Variants in ARHGEF7 observed in about 807,000 individuals in gnomAD.
ARHGEF7 encodes PAK-interacting exchange factor beta.
A neutral mutation model predicts 109.8 loss-of-function variants in ARHGEF7; 33 were observed. That is an observed-to-expected ratio of 0.30 (90% CI 0.23 to 0.40). The LOEUF (loss-of-function observed/expected upper bound fraction) is 0.40, where lower values mean the gene tolerates loss of function less well. ARHGEF7 is among the 10% of genes least tolerant of loss of function. ARHGEF7 has a pLI of 1.00. For missense variants in ARHGEF7, 938 were observed against 1,098.5 expected (o/e 0.85, Z 2.07); for synonymous variants, 458 against 424.6 (o/e 1.08, Z -0.97).
chr13:111,287,752 G>A (rs2093083724), intron 17 of ARHGEF7, among the ~76,000 whole-genome samples: 1 of 152,220 alleles, frequency 6.6e-6, no homozygotes. Flanking sequence ...GCGCTGTGTG[G>A]GCCCAAGCTC....
chr13:111,156,516 T>C (rs1280372158), intron 2 of ARHGEF7, among the ~76,000 whole-genome samples: 3 of 152,234 alleles, frequency 2.0e-5, no homozygotes, highest in Non-Finnish European at 2.9e-5. Context: ...AAAAACCTGA[T>C]AAATTGTTCA....
chr13:111,213,315 G>A (rs1303717513), intron 4 of ARHGEF7, among the ~76,000 whole-genome samples: 1 of 152,150 alleles, frequency 6.6e-6, no homozygotes, highest in Non-Finnish European at 1.5e-5. Context: ...TAGGGCAGTG[G>A]GGGAACTGTC....
At position 111,305,305 on chromosome 13, in the gene ARHGEF7, G is replaced by C. The variant is rs993317785; in HGVS notation, c.*2192G>C. ...TGTATATAACTGTGTCTGTTTCACC[G>C]TGTGACCTCCCAAGGGGGTGGGAAC... On this transcript the variant is annotated 3_prime_UTR_variant, in exon 22 of 22. Coordinates refer to ENST00000646102, the MANE Select transcript of ARHGEF7 (RefSeq NM_001354046.2). 1 of 152,174 alleles carries C rather than the reference G, an allele frequency of 6.6e-6. No homozygotes were observed. The highest frequency in any genetic ancestry group is 2.4e-5 in the African/African-American group (1 of 41,438). The allele number at this position is 152,174 out of a possible 1,614,324, so 9.4% of individuals were successfully genotyped here.
rs546024957 is a variant in ARHGEF7 at position 111,162,192 on chromosome 13, A to T, written c.252+8201A>T. On this transcript the variant is annotated intron_variant, in intron 2 of 21. Transcript: ENST00000646102. The stretch of plus-strand genomic sequence containing the variant: ...TGGACAGCTGTCTTGAATCTTTTAT[A>T]TATTTTCTTTCCCTTAGGAAGATGG... Among the ~76,000 whole-genome samples, 70 of 152,244 alleles carry T rather than the reference A, an allele frequency of 4.6e-4. No individual in the cohort carries two copies. In the South Asian group the frequency reaches 0.013, roughly 29 times the overall value.
intron 5 of ARHGEF7, among the ~76,000 whole-genome samples, chr13:111,219,216 C>G (rs774258103): frequency 2.8e-4 from 43 of 152,166 alleles, no homozygotes; most frequent in Non-Finnish European, 5.6e-4. Flanking sequence ...TGCTTTCTGT[C>G]TCTGAATTTG....
At position 111,228,517 on chromosome 13, in the gene ARHGEF7, A is replaced by C. The variant is rs1182757768; in HGVS notation, c.671-4688A>C. On this transcript the variant is annotated intron_variant, in intron 5 of 21. Coordinates refer to ENST00000646102, the MANE Select transcript of ARHGEF7 (RefSeq NM_001354046.2). The surrounding 1 kb of genome is among the most constrained non-coding windows in gnomAD (Gnocchi z 4.6). ...GCTGAGGACTGCTAACACTGTTAAGAGTCTATACGTGGTCATTCTCTGTAT... is the reference window on the plus strand; with the variant it reads ...GCTGAGGACTGCTAACACTGTTAAGCGTCTATACGTGGTCATTCTCTGTAT... Among the ~76,000 whole-genome samples the C allele has an allele frequency of 2.0e-5, 3 of 152,170 alleles. No homozygotes were observed. Among genetic ancestry groups the C allele is most frequent in the African/African-American group, 7.2e-5 (3 of 41,448 alleles).
intron 9 of ARHGEF7, among the ~76,000 whole-genome samples, chr13:111,268,292 C>A (rs528085243): frequency 3.3e-5 from 5 of 152,018 alleles, no homozygotes; most frequent in Non-Finnish European, 7.4e-5. Context: ...GGAGACCACA[C>A]CGGGGCTTAG....
Position 111,303,131 on chromosome 13 carries a change from T to G in ARHGEF7, c.*18T>G. The G allele has an allele frequency of 1.9e-6, 3 of 1,607,118 alleles. No homozygotes were observed. The highest frequency in any genetic ancestry group is 2.2e-5 in the South Asian group (2 of 90,154). On this transcript the variant is annotated 3_prime_UTR_variant, in exon 22 of 22. Transcript: ENST00000646102. ...ATCTATAAGGGATGTCCTCAGTTCT[T>G]TCTGTTGAAGACCAGTTCTGAGGTG...
At chr13:111,193,852 T>A (rs1005133205) in intron 2 of ARHGEF7, among the ~76,000 whole-genome samples, 1 of 152,218 alleles carries the variant, frequency 6.6e-6, no homozygotes, top group Non-Finnish European at 1.5e-5. Flanking sequence ...TTGTTGGCAG[T>A]CATGCTCGAT....
chr13:111,232,996 G>A (rs964378847), intron 5 of ARHGEF7, among the ~76,000 whole-genome samples: 11 of 152,092 alleles, frequency 7.2e-5, no homozygotes, highest in Non-Finnish European at 1.5e-4. Flanking sequence ...GTGGGGATGG[G>A]GTGCTGTGAT....
At chr13:111,147,348 C>T (rs770524719) in intron 1 of ARHGEF7, among the ~76,000 whole-genome samples, 1 of 152,214 alleles carries the variant, frequency 6.6e-6, no homozygotes, top group Non-Finnish European at 1.5e-5. Context: ...CTTGCCAACA[C>T]TTGATATATT....
At position 111,303,535 on chromosome 13, in the gene ARHGEF7, G is replaced by C. The variant is rs1363568799; in HGVS notation, c.*422G>C. On this transcript the variant is annotated 3_prime_UTR_variant, in exon 22 of 22. Coordinates refer to ENST00000646102, the MANE Select transcript of ARHGEF7 (RefSeq NM_001354046.2). ...ATGCTAGAATGTCCTTTCCAGCTAC[G>C]TGAATAAGAAGTCCCATGCCCGCAT... 6.6e-6 allele frequency: 1 copy of C among 152,500 alleles called. No homozygotes were observed. Among genetic ancestry groups the C allele is most frequent in the Non-Finnish European group, 1.5e-5 (1 of 68,328 alleles). The allele number at this position is 152,500 out of a possible 1,614,324, so 9.4% of individuals were successfully genotyped here.
intron 9 of ARHGEF7, among the ~76,000 whole-genome samples, chr13:111,270,417 CTTTTTT>C (rs113405116): frequency 6.9e-6 from 1 of 145,586 alleles, no homozygotes; most frequent in African/African-American, 2.5e-5. Flanking sequence ...TATGGCACTA[CTTTTTT>C]TTTTTTTAAC....
chr13:111,267,489 T>A, intron 8 of ARHGEF7, 59 bp from the exon 9 acceptor site: 3 of 1,604,052 alleles, frequency 1.9e-6, no homozygotes, highest in Non-Finnish European at 2.6e-6. Flanking sequence ...GTCTGTCAGT[T>A]AGCAGTTGTC....
chr13:111,261,049 A>G (rs1442354055), intron 8 of ARHGEF7, among the ~76,000 whole-genome samples: 1 of 152,212 alleles, frequency 6.6e-6, no homozygotes, highest in South Asian at 2.1e-4. Context: ...CACCTTTACT[A>G]AAAGGAAGAC....
chr13:111,177,010 G>C (rs1216990170), intron 2 of ARHGEF7, among the ~76,000 whole-genome samples: 1 of 152,252 alleles, frequency 6.6e-6, no homozygotes, highest in African/African-American at 2.4e-5. Context: ...ACCCGCCTTG[G>C]CCTCCCAGAG....
intron 2 of ARHGEF7, among the ~76,000 whole-genome samples, chr13:111,171,772 G>A (rs954928512): frequency 1.7e-4 from 26 of 152,300 alleles, no homozygotes; most frequent in African/African-American, 4.6e-4. Context: ...AAATTCCCAT[G>A]TTGAAATCCT....
chr13:111,269,676 A>G (rs980232551), intron 9 of ARHGEF7, among the ~76,000 whole-genome samples: 6 of 152,042 alleles, frequency 3.9e-5, no homozygotes, highest in South Asian at 2.1e-4. Context: ...TGGGAGTCAG[A>G]GCTGCGGCGA....
chr13:111,231,103 G>A (rs907204837), intron 5 of ARHGEF7, among the ~76,000 whole-genome samples: 2 of 152,170 alleles, frequency 1.3e-5, no homozygotes, highest in African/African-American at 2.4e-5. Flanking sequence ...ACATGCTGAC[G>A]TGCGGCTTAT....
Sources: gnomAD v4.1 joint callset for allele counts (sites outside exome capture counted in the v4.1 genomes callset) on GRCh38, gnomAD v4.1.1 for gene constraint, Gnocchi (gnomAD v3.1) non-coding constraint, MANE v1.5 for transcripts, NCBI Gene and HGNC (gene_info 2026-07-23, HGNC 2026-07-21) for gene names.